Variants in SLC6A2 observed in about 807,000 individuals in gnomAD.
SLC6A2 encodes sodium-dependent noradrenaline transporter.
Under a neutral mutation model 71.7 loss-of-function variants are expected in SLC6A2, and 26 were observed. The observed-to-expected ratio is 0.36, with a 90% CI of 0.27 to 0.50. The LOEUF is 0.50. Among genes scored for constraint, SLC6A2 ranks in the 20% least tolerant of loss-of-function variants. SLC6A2 has a pLI of 0.96. For missense variants in SLC6A2, 581 were observed against 803.9 expected (o/e 0.72, Z 3.35); for synonymous variants, 363 against 337.9 (o/e 1.07, Z -0.82).
At chr16:55,658,642 G>A (rs1463103035) in intron 2 of SLC6A2, among the ~76,000 whole-genome samples, 2 of 152,164 alleles carry the variant, frequency 1.3e-5, no homozygotes, top group Non-Finnish European at 2.9e-5. Flanking sequence ...ACAGATGGAG[G>A]TTTGCGTCCA....
chr16:55,697,814 G>A (rs912514074), intron 9 of SLC6A2, 83 bp from the exon 10 acceptor site: 6 of 1,499,368 alleles, frequency 4.0e-6, no homozygotes, highest in East Asian at 4.6e-5. Context: ...TGGGCTGCAG[G>A]AGGCTCTAGG....
At position 55,670,390 on chromosome 16, in the gene SLC6A2, C is replaced by A. The variant is rs545319344; in HGVS notation, c.406+694C>A. On this transcript the variant is annotated intron_variant, in intron 3 of 14. Transcript: ENST00000568943. ...TGGGAGATACAGCTGGTGCAAGAGTCTTATAAGACATGTGCATTCGTTACT... is the reference window on the plus strand; with the variant it reads ...TGGGAGATACAGCTGGTGCAAGAGTATTATAAGACATGTGCATTCGTTACT... Among the ~76,000 whole-genome samples the A allele has an allele frequency of 3.9e-5, 6 of 152,242 alleles. No homozygotes were observed. In the South Asian group the frequency reaches 1.2e-3, roughly 32 times the overall value.
In SLC6A2 at chr16:55,702,467, C is replaced by G; in HGVS notation, c.*121C>G. On this transcript the variant is annotated 3_prime_UTR_variant, in exon 15 of 15. Coordinates refer to ENST00000568943, the MANE Select transcript of SLC6A2 (RefSeq NM_001172501.3). ...CCTGGAAGTTGTCCTTTCTGATCCT[C>G]TCTTCTTTTCCCATTTACAAATGAT... 6.3e-7 allele frequency: 1 copy of G among 1,583,544 alleles called. No homozygotes were observed. Among genetic ancestry groups the G allele is most frequent in the Non-Finnish European group, 8.6e-7 (1 of 1,163,946 alleles).
chr16:55,664,965 G>T (rs1317153071), intron 2 of SLC6A2, among the ~76,000 whole-genome samples: 1 of 152,174 alleles, frequency 6.6e-6, no homozygotes, highest in East Asian at 1.9e-4. Flanking sequence ...GCACCCTTCT[G>T]GGTCTACATG....
At chr16:55,683,911 G>A (rs1965362616) in intron 4 of SLC6A2, among the ~76,000 whole-genome samples, 1 of 152,110 alleles carries the variant, frequency 6.6e-6, no homozygotes, top group African/African-American at 2.4e-5. Flanking sequence ...AATTTTATAT[G>A]ACTGGAGTCA....
chr16:55,699,773 T>C (rs1965912592), intron 12 of SLC6A2, 119 bp downstream of exon 12: 2 of 764,890 alleles, frequency 2.6e-6, no homozygotes, highest in African/African-American at 1.7e-5. Context: ...GCCCTGGTCA[T>C]GCAGAGGGGT....
chr16:55,683,013 G>C (rs944232005), intron 4 of SLC6A2, among the ~76,000 whole-genome samples: 1 of 152,182 alleles, frequency 6.6e-6, no homozygotes, highest in African/African-American at 2.4e-5. Flanking sequence ...GCTCACAGCC[G>C]GCCTTCAGTG....
intron 4 of SLC6A2, among the ~76,000 whole-genome samples, chr16:55,675,926 G>A (rs1220958345): frequency 6.6e-6 from 1 of 152,098 alleles, no homozygotes; most frequent in Non-Finnish European, 1.5e-5. Flanking sequence ...TGCCATCTTG[G>A]TGCAGCAGGG....
chr16:55,678,299 GC>G (rs1965159962), intron 4 of SLC6A2, among the ~76,000 whole-genome samples: 1 of 152,018 alleles, frequency 6.6e-6, no homozygotes, highest in Non-Finnish European at 1.5e-5. Context: ...ACTGTCATCA[GC>G]TGCCTCTGGA....
At chr16:55,695,186 G>A in intron 7 of SLC6A2, 92 bp from the exon 8 acceptor site, 1 of 1,508,478 alleles carries the variant, frequency 6.6e-7, no homozygotes, top group Non-Finnish European at 9.2e-7. Context: ...TTGAGGCTGG[G>A]GCCAGGCTGC....
intron 4 of SLC6A2, among the ~76,000 whole-genome samples, chr16:55,674,140 G>T (rs1965008793): frequency 6.6e-6 from 1 of 152,070 alleles, no homozygotes; most frequent in Admixed American, 6.6e-5. Context: ...CAGGTAATGA[G>T]CATAGTACCC....
chr16:55,692,914 A>G (rs1965681392), intron 6 of SLC6A2, among the ~76,000 whole-genome samples: 1 of 152,244 alleles, frequency 6.6e-6, no homozygotes, highest in Non-Finnish European at 1.5e-5. Flanking sequence ...ATAACAGAGC[A>G]TAAGACATGA....
chr16:55,703,264 C>G lies in SLC6A2; in HGVS notation c.*918C>G. 1 of 985,128 alleles carries G rather than the reference C, an allele frequency of 1.0e-6. No individual in the cohort carries two copies. Among genetic ancestry groups the G allele is most frequent in the Non-Finnish European group, 1.2e-6 (1 of 829,948 alleles). The allele number at this position is 985,128 out of a possible 1,614,324, so 61.0% of individuals were successfully genotyped here. A position where few individuals can be genotyped will look rare whatever the true frequency, so the allele number is the denominator to read the frequency against. On this transcript the variant is annotated 3_prime_UTR_variant, in exon 15 of 15. Transcript: ENST00000568943. ...CCAAGTGAGGCCTCATGTGTGTCTT[C>G]ACCGTGCTGTCCTCACAAGGCCAGG...
intron 5 of SLC6A2, among the ~76,000 whole-genome samples, chr16:55,686,567 TTGGGAG>T (rs1965458816): frequency 6.6e-6 from 1 of 152,100 alleles, no homozygotes; most frequent in African/African-American, 2.4e-5. Flanking sequence ...GGGTGTCAAT[TTGGGAG>T]AATCCTCATT....
At chr16:55,678,567 C>T (rs1345753521) in intron 4 of SLC6A2, among the ~76,000 whole-genome samples, 1 of 152,156 alleles carries the variant, frequency 6.6e-6, no homozygotes, top group Non-Finnish European at 1.5e-5. Context: ...AGCCAAGCAG[C>T]CCCACAGCTA....
chr16:55,669,099 G>A (rs17841329), intron 2 of SLC6A2, among the ~76,000 whole-genome samples: 9,345 of 152,212 alleles, frequency 0.061, 374 homozygotes, highest in African/African-American at 0.11. Flanking sequence ...TAGAAACTCC[G>A]TCATGTAAAT....
chr16:55,675,944 G>A (rs990411397), intron 4 of SLC6A2, among the ~76,000 whole-genome samples: 4 of 152,102 alleles, frequency 2.6e-5, no homozygotes, highest in Admixed American at 2.0e-4. Context: ...GGGCCAGGGG[G>A]ATTTAGTTTG....
chr16:55,702,731 G>C lies in SLC6A2; in HGVS notation c.*385G>C. The C allele has an allele frequency of 1.0e-6, 1 of 994,084 alleles. No individual in the cohort carries two copies. Among genetic ancestry groups the C allele is most frequent in the South Asian group, 4.2e-5 (1 of 23,798 alleles). The allele number at this position is 994,084 out of a possible 1,614,324, so 61.6% of individuals were successfully genotyped here. A position where few individuals can be genotyped will look rare whatever the true frequency, so the allele number is the denominator to read the frequency against. ...CAAATCAGAGAGAGGATGGGCTTTT[G>C]ATCAGATACCCCTCCCAAAAAAAAA... is the stretch of plus-strand genomic sequence containing the variant. On this transcript the variant is annotated 3_prime_UTR_variant, in exon 15 of 15. Transcript: ENST00000568943.
chr16:55,691,485 A>G (rs1266167347), intron 5 of SLC6A2, among the ~76,000 whole-genome samples: 1 of 152,144 alleles, frequency 6.6e-6, no homozygotes, highest in Non-Finnish European at 1.5e-5. Context: ...AACTTCAATG[A>G]CAGGTACCTC....
Sources: allele counts gnomAD v4.1 joint callset (sites outside exome capture counted in the v4.1 genomes callset), GRCh38; gene constraint gnomAD v4.1.1; transcripts MANE v1.5; gene names NCBI Gene and HGNC (gene_info 2026-07-23, HGNC 2026-07-21).